The following CSMD3 variants were observed in gnomAD, a reference collection of about 807,000 sequenced individuals.
The protein encoded by CSMD3 is CUB and Sushi multiple domains 3, also known as CUB and sushi domain-containing protein 3.
In CSMD3, 177 loss-of-function variants were observed where a neutral mutation model predicts 435.2. The ratio of observed to expected loss-of-function variants is 0.41; its 90% CI spans 0.36 to 0.46. The LOEUF is 0.46. CSMD3 is among the 20% of genes least tolerant of loss of function. The pLI, the probability that CSMD3 is intolerant of heterozygous loss-of-function variation, is 0.34. For missense variants in CSMD3, 4,265 were observed against 4,504.6 expected (o/e 0.95, Z 1.52); for synonymous variants, 1,656 against 1,520.5 (o/e 1.09, Z -2.07).
At chr8:112,925,660 G>C (rs535508791) in intron 9 of CSMD3, among the ~76,000 whole-genome samples, 1 of 152,278 alleles carries the variant, frequency 6.6e-6, no homozygotes, top group Non-Finnish European at 1.5e-5. Flanking sequence ...GGAGCAGTAA[G>C]AGAGAGAAAT....
At chr8:112,376,461 A>G (rs941631577) in intron 38 of CSMD3, among the ~76,000 whole-genome samples, 1 of 152,220 alleles carries the variant, frequency 6.6e-6, no homozygotes, top group African/African-American at 2.4e-5. Context: ...CAAGTAAAAA[A>G]TTAATTACTT....
At chr8:112,862,368 G>A (rs1159467601) in intron 10 of CSMD3, among the ~76,000 whole-genome samples, 1 of 151,902 alleles carries the variant, frequency 6.6e-6, no homozygotes, top group African/African-American at 2.4e-5. Flanking sequence ...GACTGTTCTA[G>A]GTCAGTACAT....
At chr8:113,403,443 G>T (rs2094519084) in intron 1 of CSMD3, among the ~76,000 whole-genome samples, 1 of 151,208 alleles carries the variant, frequency 6.6e-6, no homozygotes. Context: ...CTAAATTGTT[G>T]TTAAAATGCA....
intron 5 of CSMD3, among the ~76,000 whole-genome samples, chr8:113,051,975 T>C (rs1284788558): frequency 1.3e-5 from 2 of 152,096 alleles, no homozygotes; most frequent in African/African-American, 4.8e-5. Context: ...TTTGGAGATC[T>C]GTTTCTGGTA....
intron 6 of CSMD3, among the ~76,000 whole-genome samples, chr8:113,017,218 ACG>A (rs1236621686): frequency 6.6e-6 from 1 of 151,888 alleles, no homozygotes; most frequent in Non-Finnish European, 1.5e-5. Flanking sequence ...AGTGCCGAAA[ACG>A]CATAATGCTT....
intron 11 of CSMD3, among the ~76,000 whole-genome samples, chr8:112,837,896 A>C (rs1165338378): frequency 1.3e-5 from 2 of 151,826 alleles, no homozygotes; most frequent in African/African-American, 2.4e-5. Flanking sequence ...TAAAAACTTT[A>C]ATTAATCTCA....
chr8:112,768,322 C>T (rs1002001026), intron 13 of CSMD3, among the ~76,000 whole-genome samples: 2 of 151,828 alleles, frequency 1.3e-5, no homozygotes, highest in African/African-American at 4.8e-5. Context: ...AACTAAAAAA[C>T]AGTGAAGATT....
chr8:113,109,215 C>A (rs1435304286), intron 4 of CSMD3, among the ~76,000 whole-genome samples: 1 of 152,174 alleles, frequency 6.6e-6, no homozygotes, highest in Non-Finnish European at 1.5e-5. Context: ...CAATTCTGGC[C>A]CTGAAAAATT....
At chr8:113,087,081 T>A (rs1201508559) in intron 5 of CSMD3, among the ~76,000 whole-genome samples, 1 of 152,082 alleles carries the variant, frequency 6.6e-6, no homozygotes. Flanking sequence ...TTTTTAAGAG[T>A]CATTTTCCAC....
At chr8:112,255,136 AT>A (rs1294223604) in intron 62 of CSMD3, 117 bp downstream of exon 62, 1 of 807,758 alleles carries the variant, frequency 1.2e-6, no homozygotes, top group Non-Finnish European at 2.0e-6. Flanking sequence ...TTGCTTCTAT[AT>A]TTTACACTTG....
intron 40 of CSMD3, among the ~76,000 whole-genome samples, chr8:112,346,416 C>A (rs1286737006): frequency 6.6e-6 from 1 of 152,130 alleles, no homozygotes; most frequent in African/African-American, 2.4e-5. Flanking sequence ...AGACAACATC[C>A]TTCCTTCCTC....
At chr8:112,588,153 A>AATCC (rs1457077322) in intron 22 of CSMD3, among the ~76,000 whole-genome samples, 8 of 151,560 alleles carry the variant, frequency 5.3e-5, no homozygotes, top group Admixed American at 5.3e-4. Context: ...AAATATTTAC[A>AATCC]TTTTCAAATA....
chr8:112,447,910 C>G (rs368579167), intron 32 of CSMD3, among the ~76,000 whole-genome samples: 3 of 152,028 alleles, frequency 2.0e-5, no homozygotes, highest in South Asian at 2.1e-4. Context: ...TTGTGTCCCC[C>G]CAAAGTGTAA....
At chr8:112,900,678 A>G (rs1005695239) in intron 10 of CSMD3, among the ~76,000 whole-genome samples, 1 of 151,302 alleles carries the variant, frequency 6.6e-6, no homozygotes, top group Non-Finnish European at 1.5e-5. Context: ...TTTATAGTCC[A>G]TAACAAATTT....
chr8:112,613,771 C>T (rs12678929), intron 22 of CSMD3, among the ~76,000 whole-genome samples: 86,784 of 151,944 alleles, frequency 0.57, 25,356 homozygotes, highest in African/African-American at 0.69. Flanking sequence ...TAATAACTGC[C>T]TTTTTCATGA....
intron 30 of CSMD3, among the ~76,000 whole-genome samples, chr8:112,500,736 A>G (rs1338054139): frequency 2.0e-5 from 3 of 152,190 alleles, no homozygotes; most frequent in African/African-American, 4.8e-5. Flanking sequence ...TAGCCAAGCA[A>G]GCCAGAAGCT....
intron 1 of CSMD3, among the ~76,000 whole-genome samples, chr8:113,425,600 G>A (rs2094631737): frequency 6.6e-6 from 1 of 151,260 alleles, no homozygotes; most frequent in African/African-American, 2.4e-5. Flanking sequence ...AGACCCTCAA[G>A]CTAACACAGA....
chr8:113,316,360 A>C (rs1476654398), intron 1 of CSMD3, among the ~76,000 whole-genome samples: 1 of 152,186 alleles, frequency 6.6e-6, no homozygotes, highest in Non-Finnish European at 1.5e-5. Flanking sequence ...AGAAGAAATG[A>C]ATATATTTTA....
chr8:112,240,955 C>T (rs1230628401), intron 66 of CSMD3, among the ~76,000 whole-genome samples: 1 of 152,074 alleles, frequency 6.6e-6, no homozygotes, highest in Non-Finnish European at 1.5e-5. Context: ...AGTGAGGCTT[C>T]CCCAGCCATG....
Sources: allele counts gnomAD v4.1 joint callset (sites outside exome capture counted in the v4.1 genomes callset), GRCh38; gene constraint gnomAD v4.1.1; transcripts MANE v1.5; gene names NCBI Gene and HGNC (gene_info 2026-07-23, HGNC 2026-07-21).